The following HS3ST4 variants were observed in gnomAD, a reference collection of about 807,000 sequenced individuals.
The protein encoded by HS3ST4 is heparan sulfate glucosamine 3-O-sulfotransferase 4.
HS3ST4 carries 17 observed loss-of-function variants against 29.2 expected under a neutral mutation model. The observed-to-expected ratio is 0.58, with a 90% CI of 0.40 to 0.87. The LOEUF (loss-of-function observed/expected upper bound fraction) is 0.87, where lower values mean the gene tolerates loss of function less well. Among genes scored for constraint, HS3ST4 ranks in the 40% least tolerant of loss-of-function variants. HS3ST4 has a pLI of 0.00. For missense variants in HS3ST4, 627 were observed against 634.5 expected (o/e 0.99, Z 0.13); for synonymous variants, 314 against 285.7 (o/e 1.10, Z -1.00).
At chr16:26,123,188 C>T (rs566424166) in intron 1 of HS3ST4, among the ~76,000 whole-genome samples, 10 of 152,132 alleles carry the variant, frequency 6.6e-5, no homozygotes, top group African/African-American at 1.4e-4. Context: ...AGATTTTCTC[C>T]GTGCCAAGAT....
intron 1 of HS3ST4, among the ~76,000 whole-genome samples, chr16:26,100,176 C>A (rs1898974576): frequency 6.6e-6 from 1 of 152,084 alleles, no homozygotes; most frequent in South Asian, 2.1e-4. Context: ...GAAAAACAAC[C>A]TATCGAGGGT....
intron 1 of HS3ST4, among the ~76,000 whole-genome samples, chr16:25,919,933 G>A (rs1241216340): frequency 1.3e-5 from 2 of 151,364 alleles, no homozygotes; most frequent in African/African-American, 4.8e-5. Flanking sequence ...GATTTACAGG[G>A]GGCCAGAGAA....
chr16:26,083,931 A>G (rs1009824346), intron 1 of HS3ST4, among the ~76,000 whole-genome samples: 1 of 152,178 alleles, frequency 6.6e-6, no homozygotes, highest in Non-Finnish European at 1.5e-5. Context: ...ATCCAGGGGG[A>G]AGAAAATTGC....
At chr16:25,903,347 T>TACATATGTATATGTATATATTATATAC (rs376547024) in intron 1 of HS3ST4, among the ~76,000 whole-genome samples, 9 of 106,664 alleles carry the variant, frequency 8.4e-5, no homozygotes, top group Non-Finnish European at 1.8e-4. Flanking sequence ...ATATATTATA[T>TACATATGTATATGTATATATTATATAC]ATATGTATAT....
rs537934942 is a variant in HS3ST4, at chr16:25,909,012, A to G, written c.734+215861A>G. On this transcript the variant is annotated intron_variant, in intron 1 of 1. Coordinates refer to ENST00000331351, the MANE Select transcript of HS3ST4 (RefSeq NM_006040.3). ...CACATTTCACATGAGTCCTTGCTCC[A>G]TCATTGCTGGCTGAGGCTGATGGCA... is the stretch of plus-strand genomic sequence containing the variant. 2.2e-4 allele frequency among the ~76,000 whole-genome samples: 33 copies of G among 152,334 alleles called. No homozygotes were observed. In the East Asian group the frequency reaches 4.8e-3, roughly 22 times the overall value.
chr16:25,952,566 G>A (rs150584204), intron 1 of HS3ST4, among the ~76,000 whole-genome samples: 3 of 152,130 alleles, frequency 2.0e-5, no homozygotes, highest in Non-Finnish European at 2.9e-5. Flanking sequence ...TTACCTCAGG[G>A]GTTATTGTGA....
intron 1 of HS3ST4, among the ~76,000 whole-genome samples, chr16:25,990,378 G>C (rs1192821775): frequency 6.6e-6 from 1 of 152,224 alleles, no homozygotes. Flanking sequence ...CCCACCAGCA[G>C]TGAATGAGAG....
At chr16:25,945,316 G>C (rs1968614286) in intron 1 of HS3ST4, among the ~76,000 whole-genome samples, 1 of 152,016 alleles carries the variant, frequency 6.6e-6, no homozygotes, top group South Asian at 2.1e-4. Flanking sequence ...AATATGTCTT[G>C]GAAGTATTTA....
chr16:25,939,091 T>G (rs1968547435), intron 1 of HS3ST4, among the ~76,000 whole-genome samples: 1 of 152,084 alleles, frequency 6.6e-6, no homozygotes. Context: ...ATTAATTGTT[T>G]GGCTGGTAGT....
intron 1 of HS3ST4, among the ~76,000 whole-genome samples, chr16:25,878,830 C>G (rs55923974): frequency 6.6e-6 from 1 of 151,966 alleles, no homozygotes; most frequent in Non-Finnish European, 1.5e-5. Flanking sequence ...TTCAAACCTT[C>G]GATAAAAATA....
At chr16:25,758,662 G>A (rs1324755214) in intron 1 of HS3ST4, among the ~76,000 whole-genome samples, 1 of 152,152 alleles carries the variant, frequency 6.6e-6, no homozygotes, top group African/African-American at 2.4e-5. Flanking sequence ...AAGGGAGATA[G>A]AAAGTGTTTG....
At chr16:25,754,571 C>T (rs1966743915) in intron 1 of HS3ST4, among the ~76,000 whole-genome samples, 1 of 152,134 alleles carries the variant, frequency 6.6e-6, no homozygotes, top group Non-Finnish European at 1.5e-5. Flanking sequence ...AATTGACTCA[C>T]AATTCTGCAT....
At chr16:26,047,543 T>C (rs112328302) in intron 1 of HS3ST4, among the ~76,000 whole-genome samples, 12 of 152,200 alleles carry the variant, frequency 7.9e-5, no homozygotes, top group Non-Finnish European at 2.9e-5. Flanking sequence ...GATGCTGTTA[T>C]CAACCCTGCT....
At chr16:26,000,740 T>C (rs918857835) in intron 1 of HS3ST4, among the ~76,000 whole-genome samples, 4 of 151,940 alleles carry the variant, frequency 2.6e-5, no homozygotes, top group African/African-American at 9.7e-5. Flanking sequence ...CTAGGAAGAG[T>C]CAAAATTTAA....
intron 1 of HS3ST4, among the ~76,000 whole-genome samples, chr16:26,081,287 C>CA (rs11305983): frequency 0.036 from 4,665 of 130,974 alleles, 250 homozygotes; most frequent in East Asian, 0.21. Flanking sequence ...AATCCTGTCT[C>CA]AAAAAAAAAA....
intron 1 of HS3ST4, among the ~76,000 whole-genome samples, chr16:25,792,794 TTTC>T (rs1365978531): frequency 6.6e-6 from 1 of 151,824 alleles, no homozygotes; most frequent in African/African-American, 2.4e-5. Flanking sequence ...TTTTCCTTGT[TTTC>T]TTATTAGGTT....
chr16:26,045,502 G>A (rs887937659), intron 1 of HS3ST4, among the ~76,000 whole-genome samples: 6 of 152,098 alleles, frequency 3.9e-5, no homozygotes, highest in Admixed American at 2.0e-4. Flanking sequence ...ACTAGAACTC[G>A]CAGTACATAA....
intron 1 of HS3ST4, among the ~76,000 whole-genome samples, chr16:25,769,104 T>A (rs1220861779): frequency 2.0e-5 from 3 of 152,086 alleles, no homozygotes. Context: ...GGAGTCAGTG[T>A]GGATTGGCAG....
chr16:25,720,487 T>A (rs1266997769), intron 1 of HS3ST4, among the ~76,000 whole-genome samples: 1 of 152,002 alleles, frequency 6.6e-6, no homozygotes, highest in East Asian at 1.9e-4. Context: ...GACCCCAAGT[T>A]TGAGAGGTAA....
Sources: allele counts gnomAD v4.1 joint callset (sites outside exome capture counted in the v4.1 genomes callset), GRCh38; gene constraint gnomAD v4.1.1; transcripts MANE v1.5; gene names NCBI Gene and HGNC (gene_info 2026-07-23, HGNC 2026-07-21).